Variants in PSD3 observed in about 807,000 individuals in gnomAD.
The protein encoded by PSD3 is pleckstrin and Sec7 domain containing 3.
A neutral mutation model predicts 105.5 loss-of-function variants in PSD3; 49 were observed. The ratio of observed to expected loss-of-function variants is 0.46; its 90% CI spans 0.37 to 0.59. The LOEUF (loss-of-function observed/expected upper bound fraction) is 0.59, where lower values mean the gene tolerates loss of function less well. Among genes scored for constraint, PSD3 ranks in the 20% least tolerant of loss-of-function variants. PSD3 has a pLI of 0.00. For missense variants in PSD3, 1,561 were observed against 1,263.8 expected, an observed-to-expected ratio of 1.24 and a Z score of -3.57; for synonymous variants, 557 against 457.8, an observed-to-expected ratio of 1.22 and a Z score of -2.77.
intron 15 of PSD3, among the ~76,000 whole-genome samples, chr8:18,536,723 AT>A (rs1043157456): frequency 1.1e-4 from 17 of 149,400 alleles, no homozygotes; most frequent in East Asian, 4.0e-4. Context: ...GATATCTAAG[AT>A]TTTTTTTTTC....
chr8:18,907,048 T>C (rs184412019), intron 2 of PSD3, among the ~76,000 whole-genome samples: 1,946 of 152,350 alleles, frequency 0.013, 17 homozygotes, highest in Middle Eastern at 0.031. Flanking sequence ...ACAATGTATA[T>C]GTATTTTAAG....
At chr8:18,971,672 G>A (rs983720746) in intron 1 of PSD3, among the ~76,000 whole-genome samples, 1 of 152,186 alleles carries the variant, frequency 6.6e-6, no homozygotes. Context: ...ATGGAGGGAT[G>A]TGGAAAATAG....
chr8:18,950,260 G>A (rs982348642), intron 1 of PSD3, among the ~76,000 whole-genome samples: 2 of 152,196 alleles, frequency 1.3e-5, no homozygotes, highest in Non-Finnish European at 2.9e-5. Flanking sequence ...ATTGTTTACA[G>A]AAGCATATTA....
intron 2 of PSD3, among the ~76,000 whole-genome samples, chr8:18,879,406 G>C (rs1027932518): frequency 5.3e-5 from 8 of 152,190 alleles, no homozygotes; most frequent in African/African-American, 1.9e-4. Context: ...AACTGGAACA[G>C]ACGGGGGGAG....
intron 8 of PSD3, among the ~76,000 whole-genome samples, chr8:18,792,644 T>A (rs1391934968): frequency 6.6e-6 from 1 of 152,096 alleles, no homozygotes; most frequent in Non-Finnish European, 1.5e-5. Flanking sequence ...ATGGGCCAGT[T>A]AGAATGGTGA....
intron 2 of PSD3, among the ~76,000 whole-genome samples, chr8:18,929,394 G>C (rs1324353850): frequency 1.3e-5 from 2 of 152,092 alleles, no homozygotes; most frequent in Admixed American, 6.6e-5. Flanking sequence ...TCCAGATCTG[G>C]AATGGGAAGC....
At chr8:18,855,806 G>C (rs1191701334) in intron 4 of PSD3, among the ~76,000 whole-genome samples, 1 of 152,186 alleles carries the variant, frequency 6.6e-6, no homozygotes, top group Non-Finnish European at 1.5e-5. Context: ...ATGAGATCTG[G>C]GGGCATAAAG....
intron 1 of PSD3, among the ~76,000 whole-genome samples, chr8:19,077,682 G>T (rs553216598): frequency 6.6e-6 from 1 of 152,232 alleles, no homozygotes; most frequent in Non-Finnish European, 1.5e-5. Flanking sequence ...TATAGCTTTT[G>T]GGAGATTTTT....
intron 3 of PSD3, among the ~76,000 whole-genome samples, chr8:18,869,926 A>C (rs547277805): frequency 1.1e-4 from 17 of 152,344 alleles, no homozygotes; most frequent in South Asian, 8.3e-4. Flanking sequence ...AGCATCTTGC[A>C]GTGTCAGGAC....
chr8:18,671,781 G>T (rs898311620), intron 9 of PSD3, among the ~76,000 whole-genome samples: 6 of 152,016 alleles, frequency 3.9e-5, no homozygotes, highest in Non-Finnish European at 8.8e-5. Context: ...ATAGGTGCCC[G>T]CCATGACGTC....
intron 2 of PSD3, among the ~76,000 whole-genome samples, chr8:18,927,725 T>TG (rs1821463523): frequency 6.6e-6 from 1 of 152,136 alleles, no homozygotes; most frequent in Admixed American, 6.5e-5. Context: ...GTCCTTCTGG[T>TG]GCCCAGCCCC....
intron 1 of PSD3, among the ~76,000 whole-genome samples, chr8:19,075,913 A>G (rs1427079753): frequency 6.6e-6 from 1 of 152,236 alleles, no homozygotes; most frequent in Non-Finnish European, 1.5e-5. Flanking sequence ...CTTACACGTA[A>G]TCAACAATGT....
intron 15 of PSD3, among the ~76,000 whole-genome samples, chr8:18,554,520 C>A (rs75293476): frequency 0.012 from 1,766 of 152,146 alleles, 33 homozygotes; most frequent in East Asian, 0.073. Flanking sequence ...TTTGCTTGAC[C>A]ATGAAGAAAA....
rs537831300 is a variant in PSD3, at chr8:18,602,226, G to A, written c.2411-1792C>T. 3.3e-5 allele frequency among the ~76,000 whole-genome samples: 5 copies of A among 151,902 alleles called. No homozygotes were observed. The South Asian group carries it at 6.2e-4, about 19-fold the overall frequency. The stretch of plus-strand genomic sequence containing the variant: ...TCTACACATCTACGTTTCTACTTTC[G>A]CAGTAGATCAATTAATCCAAGTACA... On this transcript the variant is annotated intron_variant, in intron 11 of 15. Transcript: ENST00000327040.
At chr8:18,815,937 C>G (rs115174007) in intron 4 of PSD3, among the ~76,000 whole-genome samples, 1 of 152,040 alleles carries the variant, frequency 6.6e-6, no homozygotes, top group Non-Finnish European at 1.5e-5. Context: ...ATTTTGTGTG[C>G]AATGTTAAAA....
chr8:18,781,405 A>T (rs1332687644), intron 8 of PSD3, among the ~76,000 whole-genome samples: 2 of 152,194 alleles, frequency 1.3e-5, no homozygotes, highest in African/African-American at 2.4e-5. Context: ...GTACCTCCCA[A>T]GACACAATCC....
chr8:19,033,081 A>G (rs1827823622), intron 1 of PSD3, among the ~76,000 whole-genome samples: 1 of 150,362 alleles, frequency 6.7e-6, no homozygotes, highest in South Asian at 2.1e-4. Flanking sequence ...GCAAGACCCT[A>G]TCTCAAAACA....
At chr8:18,861,655 C>G (rs1215364131) in intron 4 of PSD3, among the ~76,000 whole-genome samples, 2 of 152,142 alleles carry the variant, frequency 1.3e-5, no homozygotes, top group Non-Finnish European at 2.9e-5. Flanking sequence ...GTCCTAGAGT[C>G]AAACATTCAT....
intron 4 of PSD3, among the ~76,000 whole-genome samples, chr8:18,856,101 T>C (rs1351497117): frequency 6.6e-6 from 1 of 152,140 alleles, no homozygotes; most frequent in African/African-American, 2.4e-5. Context: ...TCCTTCTCTC[T>C]GGCATGTCAC....
Sources: gnomAD v4.1 joint callset for allele counts (sites outside exome capture counted in the v4.1 genomes callset) on GRCh38, gnomAD v4.1.1 for gene constraint, MANE v1.5 for transcripts, NCBI Gene and HGNC (gene_info 2026-07-23, HGNC 2026-07-21) for gene names.